Variants in PCDH7 observed in about 807,000 individuals in gnomAD.
The protein encoded by PCDH7 is protocadherin-7.
In PCDH7, 17 loss-of-function variants were observed where a neutral mutation model predicts 58.9. The observed-to-expected ratio is 0.29, with a 90% CI of 0.20 to 0.43. PCDH7 has a LOEUF of 0.43. Among genes scored for constraint, PCDH7 ranks in the 20% least tolerant of loss-of-function variants. The pLI is 1.00. For missense variants in PCDH7, 1,274 were observed against 1,441.0 expected (o/e 0.88, Z 1.88); for synonymous variants, 664 against 616.4 (o/e 1.08, Z -1.14).
chr4:30,792,373 A>G (rs1225350062), intron 1 of PCDH7, among the ~76,000 whole-genome samples: 1 of 135,276 alleles, frequency 7.4e-6, no homozygotes, highest in Admixed American at 7.9e-5. Context: ...TTCATATCAT[A>G]GTTTAGCAAC....
downstream of PCDH7, chr4:31,146,792 C>T (rs1015195805): frequency 3.3e-5 from 5 of 152,064 alleles, no homozygotes; most frequent in Non-Finnish European, 7.4e-5. Context: ...ATAACATGGT[C>T]AAATGGTTTC....
At chr4:30,954,603 G>C (rs1047023667) in intron 3 of PCDH7, among the ~76,000 whole-genome samples, 1 of 152,118 alleles carries the variant, frequency 6.6e-6, no homozygotes, top group Non-Finnish European at 1.5e-5. Flanking sequence ...GAAGGGGTAT[G>C]CCATGTGCAA....
At chr4:31,083,694 T>C (rs1711923577) in intron 3 of PCDH7, among the ~76,000 whole-genome samples, 2 of 152,214 alleles carry the variant, frequency 1.3e-5, no homozygotes, top group Admixed American at 1.3e-4. Context: ...CTCTAGCCTG[T>C]CTTCAATATG....
chr4:30,835,059 G>A (rs940928792), intron 1 of PCDH7, among the ~76,000 whole-genome samples: 3 of 152,176 alleles, frequency 2.0e-5, no homozygotes, highest in Non-Finnish European at 2.9e-5. Flanking sequence ...AGCTGAATTT[G>A]TCGGTTGTTA....
chr4:30,934,532 G>A (rs1745089859), intron 2 of PCDH7, among the ~76,000 whole-genome samples: 1 of 151,878 alleles, frequency 6.6e-6, no homozygotes, highest in South Asian at 2.1e-4. Flanking sequence ...TGACTCTCGG[G>A]CTTCATATTT....
rs143036381 is a variant in PCDH7, at chr4:30,824,709, C to G, written c.71-95444C>G. Among the ~76,000 whole-genome samples, 29 of 152,232 alleles carry G rather than the reference C, an allele frequency of 1.9e-4. No homozygotes were observed. The East Asian group carries it at 5.2e-3, about 27-fold the overall frequency. On this transcript the variant is annotated intron_variant, in intron 1 of 3. Transcript: ENST00000509759. ...AAGGGATTTTGGATTGTTCAGGATTCTGTTGTGGTTGAGGAAGCAGAGCAC... is the reference window on the plus strand; with the variant it reads ...AAGGGATTTTGGATTGTTCAGGATTGTGTTGTGGTTGAGGAAGCAGAGCAC...
At chr4:30,824,725 A>G (rs535564336) in intron 1 of PCDH7, among the ~76,000 whole-genome samples, 1 of 152,328 alleles carries the variant, frequency 6.6e-6, no homozygotes, top group South Asian at 2.1e-4. Context: ...TGGTTGAGGA[A>G]GCAGAGCACA....
downstream of PCDH7, among the ~76,000 whole-genome samples, chr4:30,736,406 T>G (rs137987781): frequency 6.6e-6 from 1 of 152,242 alleles, no homozygotes; most frequent in East Asian, 1.9e-4. Flanking sequence ...GTTTTTAATT[T>G]AAAAAATCGG....
At chr4:31,074,784 CAAAAAAAAA>C (rs1157267696) in intron 3 of PCDH7, among the ~76,000 whole-genome samples, 2 of 52,488 alleles carry the variant, frequency 3.8e-5, no homozygotes, top group African/African-American at 8.8e-5. Context: ...GATTCCGTCT[CAAAAAAAAA>C]AAAAAAAAAA....
chr4:30,932,479 C>T (rs1372412666), intron 2 of PCDH7, among the ~76,000 whole-genome samples: 1 of 152,134 alleles, frequency 6.6e-6, no homozygotes, highest in Non-Finnish European at 1.5e-5. Context: ...TATGTATAAG[C>T]ACTATATCGA....
chr4:31,112,878 G>A (rs962618357), intron 3 of PCDH7, among the ~76,000 whole-genome samples: 2 of 152,156 alleles, frequency 1.3e-5, no homozygotes, highest in African/African-American at 2.4e-5. Context: ...ATTTAGTAGA[G>A]AGGAGGTAAT....
chr4:31,130,112 T>TA (rs1435303711), intron 3 of PCDH7, among the ~76,000 whole-genome samples: 1 of 152,172 alleles, frequency 6.6e-6, no homozygotes, highest in Non-Finnish European at 1.5e-5. Context: ...TCTTAGATGT[T>TA]ACGTCAAATT....
intron 1 of PCDH7, among the ~76,000 whole-genome samples, chr4:30,787,020 G>A (rs1224267697): frequency 6.6e-6 from 1 of 151,966 alleles, no homozygotes; most frequent in African/African-American, 2.4e-5. Context: ...CTCTCAATAT[G>A]GAATAAAGGA....
chr4:30,787,294 C>A (rs1723528398), intron 1 of PCDH7, among the ~76,000 whole-genome samples: 1 of 151,924 alleles, frequency 6.6e-6, no homozygotes, highest in Non-Finnish European at 1.5e-5. Context: ...TGTGCTAGAT[C>A]AACAAAGAAA....
intron 3 of PCDH7, among the ~76,000 whole-genome samples, chr4:30,996,550 C>A (rs1751917084): frequency 6.6e-6 from 1 of 152,066 alleles, no homozygotes; most frequent in Non-Finnish European, 1.5e-5. Context: ...CCTGCTCAGA[C>A]CTTTCGAGAT....
At chr4:31,051,699 C>T (rs1222973867) in intron 3 of PCDH7, among the ~76,000 whole-genome samples, 1 of 151,844 alleles carries the variant, frequency 6.6e-6, no homozygotes, top group Non-Finnish European at 1.5e-5. Flanking sequence ...GACCTTAAAC[C>T]TTTACAGCAT....
At chr4:30,995,666 T>A (rs896269342) in intron 3 of PCDH7, among the ~76,000 whole-genome samples, 5 of 152,182 alleles carry the variant, frequency 3.3e-5, no homozygotes, top group Non-Finnish European at 5.9e-5. Context: ...TGAACTAGAA[T>A]CAAGGTGTCA....
intron 2 of PCDH7, among the ~76,000 whole-genome samples, chr4:30,928,760 C>T (rs1225261995): frequency 6.6e-6 from 1 of 152,150 alleles, no homozygotes; most frequent in Non-Finnish European, 1.5e-5. Context: ...TGCACATCCT[C>T]TCTCTTTATC....
chr4:31,128,571 T>C (rs945624854), intron 3 of PCDH7, among the ~76,000 whole-genome samples: 1 of 152,160 alleles, frequency 6.6e-6, no homozygotes, highest in Admixed American at 6.6e-5. Context: ...TTAAAAGACA[T>C]GTATAACTGC....
Sources: gnomAD v4.1 joint callset for allele counts (sites outside exome capture counted in the v4.1 genomes callset) on GRCh38, gnomAD v4.1.1 for gene constraint, MANE v1.5 for transcripts, NCBI Gene and HGNC (gene_info 2026-07-23, HGNC 2026-07-21) for gene names.